Variants in MYLK4 observed in about 807,000 individuals in gnomAD.
MYLK4 encodes the protein myosin light chain kinase family member 4.
MYLK4 carries 46 observed loss-of-function variants against 48.1 expected under a neutral mutation model. The ratio of observed to expected loss-of-function variants is 0.96; its 90% CI spans 0.75 to 1.22. The LOEUF is 1.22. MYLK4 is among the 50% of genes most tolerant of loss of function. The pLI, the probability that MYLK4 is intolerant of heterozygous loss-of-function variation, is 0.00. For missense variants in MYLK4, 451 were observed against 486.1 expected (o/e 0.93, Z 0.68); for synonymous variants, 170 against 180.8 (o/e 0.94, Z 0.48).
chr6:2,683,405 G>T (rs867895535), intron 6 of MYLK4, among the ~76,000 whole-genome samples: 5,873 of 110,268 alleles, frequency 0.053, 394 homozygotes, highest in Middle Eastern at 0.083. Flanking sequence ...GTGTGTGTGT[G>T]TGTGTGTGTG....
chr6:2,668,699 T>C (rs1205462927), intron 12 of MYLK4, among the ~76,000 whole-genome samples: 2 of 152,240 alleles, frequency 1.3e-5, no homozygotes, highest in Non-Finnish European at 2.9e-5. Context: ...TAATCTTTTT[T>C]TTCCTAACTT....
At chr6:2,703,180 A>G (rs562164405) in intron 2 of MYLK4, among the ~76,000 whole-genome samples, 2 of 152,216 alleles carry the variant, frequency 1.3e-5, no homozygotes, top group Non-Finnish European at 2.9e-5. Context: ...GGTCCAATGC[A>G]GTACACCTTG....
At position 2,671,286 on chromosome 6, in the gene MYLK4, G is replaced by A. The variant is rs1168613959; in HGVS notation, c.*15C>T. ...AGACCCAAGACTAACCTTCCAAATG[G>A]CTGCCTCCTGTAGACTATTTGGTCA... On this transcript the variant is annotated 3_prime_UTR_variant, in exon 12 of 13. Coordinates refer to ENST00000274643, the MANE Select transcript of MYLK4 (RefSeq NM_001012418.5). The A allele has an allele frequency of 6.2e-7, 1 of 1,612,810 alleles. No individual in the cohort carries two copies. Among genetic ancestry groups the A allele is most frequent in the East Asian group, 2.2e-5 (1 of 44,866 alleles).
chr6:2,690,411 G>T (rs1204289811), intron 3 of MYLK4, among the ~76,000 whole-genome samples: 1 of 152,170 alleles, frequency 6.6e-6, no homozygotes, highest in Admixed American at 6.5e-5. Flanking sequence ...AGGGATTCGT[G>T]GGGGTAGAAA....
intron 2 of MYLK4, among the ~76,000 whole-genome samples, chr6:2,719,766 A>T (rs1426285107): frequency 1.3e-5 from 2 of 152,210 alleles, no homozygotes; most frequent in Non-Finnish European, 2.9e-5. Flanking sequence ...TCAGTAACAC[A>T]AATTAATAGC....
rs767708255 is a variant in MYLK4 at position 2,675,102 on chromosome 6, G to A, written c.1064C>T (p.Ala355Val). 1 of 1,613,998 alleles carries A rather than the reference G, an allele frequency of 6.2e-7. No individual in the cohort carries two copies. Among genetic ancestry groups the A allele is most frequent in the East Asian group, 2.2e-5 (1 of 44,886 alleles). Residue 355 changes from alanine to valine, a missense_variant, in exon 11 of 13, where the codon GCT becomes GTT. Ala to Val is a moderately conservative substitution (Grantham distance 64). Coordinates refer to ENST00000274643, the MANE Select transcript of MYLK4 (RefSeq NM_001012418.5). ...EKSWRISASEALKHPWLSDHK... is the reference protein window; with the variant it reads ...EKSWRISASEVLKHPWLSDHK... ...GTCTGACAACCAGGGGTGCTTGAGAGCTTCGCTTGCACTTATTCGCCAACT... is the reference window on the plus strand; with the variant it reads ...GTCTGACAACCAGGGGTGCTTGAGAACTTCGCTTGCACTTATTCGCCAACT...
chr6:2,749,070 C>T lies in MYLK4; in HGVS notation c.159+66G>A, dbSNP rs146454767. ...TCCTTAATTGTACTCACAAGCGGCT[C>T]CATGACATTAGAAAAGATAAGATAG... On this transcript the variant is annotated intron_variant, in intron 2 of 12. Transcript: ENST00000274643. 7.4e-3 allele frequency: 10,935 copies of T among 1,470,244 alleles called. 95 individuals carry two copies. The highest frequency in any genetic ancestry group is 7.2e-3 in the Non-Finnish European group (7,748 of 1,083,004). 91.1% of individuals were successfully genotyped at this position (1,470,244 alleles called of 1,614,324 possible). A position where few individuals can be genotyped will look rare whatever the true frequency, so the allele number is the denominator to read the frequency against.
At chr6:2,676,024 G>A (rs1198940597) in intron 10 of MYLK4, among the ~76,000 whole-genome samples, 7 of 151,470 alleles carry the variant, frequency 4.6e-5, no homozygotes, top group Admixed American at 4.6e-4. Flanking sequence ...CCCAGGAGGT[G>A]GAGGTTGCAT....
intron 2 of MYLK4, among the ~76,000 whole-genome samples, chr6:2,718,049 G>A (rs757435045): frequency 1.3e-4 from 20 of 152,142 alleles, no homozygotes; most frequent in Non-Finnish European, 2.1e-4. Flanking sequence ...GAGTGGTGGC[G>A]CATGCCTGTA....
chr6:2,751,296 C>T (rs376782170), upstream of MYLK4, among the ~76,000 whole-genome samples: 16 of 152,308 alleles, frequency 1.1e-4, no homozygotes, highest in South Asian at 1.4e-3. Flanking sequence ...GCCCATCTTA[C>T]GCTTTGAGCA....
intron 2 of MYLK4, among the ~76,000 whole-genome samples, chr6:2,725,128 G>A (rs146194815): frequency 1.8e-3 from 273 of 152,292 alleles, no homozygotes; most frequent in African/African-American, 6.2e-3. Flanking sequence ...TCCAGCCTGG[G>A]CAGCAGAGTG....
chr6:2,685,392 T>C lies in MYLK4; in HGVS notation c.449A>G (p.Asn150Ser), dbSNP rs979776423. 6.2e-7 allele frequency: 1 copy of C among 1,613,744 alleles called. No individual in the cohort carries two copies. The highest frequency in any genetic ancestry group is 8.5e-7 in the Non-Finnish European group (1 of 1,179,808). ...CAGCTGGTTCATGACGCTGATCTCG[T>C]TCTTCACCTCCTCCTGAGAAGCAGG... ...RGMKDKEEVK[N>S]EISVMNQLDH... is the part of the protein sequence containing the mutation. The change falls in exon 6 of 13, where the codon AAC becomes AGC. Residue 150 changes from asparagine to serine, a missense_variant. Coordinates refer to ENST00000274643, the MANE Select transcript of MYLK4 (RefSeq NM_001012418.5). The surrounding 1 kb of genome is among the most constrained non-coding windows in gnomAD (Gnocchi z 4.5).
intron 2 of MYLK4, among the ~76,000 whole-genome samples, chr6:2,693,722 C>G (rs1452082119): frequency 6.6e-6 from 1 of 150,758 alleles, no homozygotes; most frequent in East Asian, 1.9e-4. Flanking sequence ...CATGTAAGTT[C>G]AGAGCACAGA....
rs34857522 is a variant in MYLK4 at position 2,665,704 on chromosome 6, G to A, written c.*2221C>T. The A allele has an allele frequency of 0.14, 21,040 of 152,176 alleles. 1,517 individuals carry two copies. Among genetic ancestry groups the A allele is most frequent in the Non-Finnish European group, 0.15 (10,409 of 68,006 alleles). 9.4% of individuals were successfully genotyped at this position (152,176 alleles called of 1,614,324 possible). Reference sequence around the variant, plus strand: ...TGCAAAAGATCTCCTGCTTGATTTGGTAGAGAATGCACACCACAGGACAGA... The same window carrying A: ...TGCAAAAGATCTCCTGCTTGATTTGATAGAGAATGCACACCACAGGACAGA... On this transcript the variant is annotated 3_prime_UTR_variant, in exon 13 of 13. Coordinates refer to ENST00000274643, the MANE Select transcript of MYLK4 (RefSeq NM_001012418.5).
intron 2 of MYLK4, among the ~76,000 whole-genome samples, chr6:2,729,260 T>TCTCTGGGC: frequency 6.6e-6 from 1 of 152,206 alleles, no homozygotes. Context: ...AGTGCCAACC[T>TCTCTGGGC]CTCTGGGCAT....
At chr6:2,747,812 G>A (rs12525682) in intron 2 of MYLK4, among the ~76,000 whole-genome samples, 41,473 of 152,014 alleles carry the variant, frequency 0.27, 5,827 homozygotes, top group East Asian at 0.4. Flanking sequence ...CTGTCCTACC[G>A]AAATTAATAA....
At chr6:2,676,867 A>C (rs1761100135) in intron 10 of MYLK4, among the ~76,000 whole-genome samples, 3 of 152,226 alleles carry the variant, frequency 2.0e-5, no homozygotes, top group Non-Finnish European at 2.9e-5. Flanking sequence ...ATAACACATG[A>C]AAGTACACAT....
At chr6:2,753,709 G>A (rs954228172), upstream of MYLK4, among the ~76,000 whole-genome samples, 1 of 151,812 alleles carries the variant, frequency 6.6e-6, no homozygotes, top group African/African-American at 2.4e-5. Flanking sequence ...TTTTTAAATG[G>A]ACAAAAGATT....
intron 2 of MYLK4, among the ~76,000 whole-genome samples, chr6:2,739,490 G>C (rs11751430): frequency 0.1 from 15,187 of 152,172 alleles, 844 homozygotes; most frequent in South Asian, 0.18. Flanking sequence ...CTGTGGGTCA[G>C]AGCACAGCCT....
Sources: gnomAD v4.1 joint callset for allele counts (sites outside exome capture counted in the v4.1 genomes callset) on GRCh38, gnomAD v4.1.1 for gene constraint, Gnocchi (gnomAD v3.1) non-coding constraint, MANE v1.5 for transcripts, NCBI Gene and HGNC (gene_info 2026-07-23, HGNC 2026-07-21) for gene names.